TMEM185A: variants seen among roughly 807,000 people sequenced by gnomAD.
TMEM185A encodes the protein family with sequence similarity 11, member A.
TMEM185A carries 9 observed loss-of-function variants against 25.0 expected under a neutral mutation model. That is an observed-to-expected ratio of 0.36 (90% CI 0.22 to 0.63). The LOEUF (loss-of-function observed/expected upper bound fraction) is 0.63. Ranked by LOEUF, TMEM185A falls within the 20% of genes least tolerant of loss-of-function variation. TMEM185A has a pLI of 0.68. For synonymous variants in TMEM185A, 45 were observed against 93.5 expected (o/e 0.48, Z 2.99); for missense variants, 103 against 237.4 (o/e 0.43, Z 3.72).
intron 1 of TMEM185A, among the ~76,000 whole-genome samples, chrX:149,612,190 C>G (rs2090087485): frequency 8.9e-6 from 1 of 111,919 alleles, no homozygotes; most frequent in Admixed American, 9.5e-5. Flanking sequence ...AAATAAGAAG[C>G]TTGATACAGT....
In TMEM185A at chrX:149,615,296, C is replaced by T. The variant is rs138048654; in HGVS notation, c.39-3833G>A. 4.6e-3 allele frequency among the ~76,000 whole-genome samples: 517 copies of T among 111,514 alleles called. 5 individuals are homozygous for T. The highest frequency in any genetic ancestry group is 0.016 in the African/African-American group (493 of 30,735). On this transcript the variant is annotated intron_variant, in intron 1 of 6. Coordinates refer to ENST00000600449, the MANE Select transcript of TMEM185A (RefSeq NM_032508.4). ...ATTTGCTACCCATTCAAGTTAAAAG[C>T]GTTAAACAAATTAGGAAAAGAAGAG...
intron 1 of TMEM185A, 83 bp downstream of exon 1, chrX:149,631,460 G>T (rs988632046): frequency 9.4e-6 from 10 of 1,060,119 alleles, no homozygotes; most frequent in Non-Finnish European, 1.1e-5. Flanking sequence ...CATCTCGCCC[G>T]CCGTGCCTCC....
Position 149,611,324 on chromosome X carries a change from C to T in TMEM185A, c.178G>A (p.Val60Ile). ...TTTCGTGCCCAGACTCCAGTTCCAA[C>T]TGAGGCTCCAACAATGACCATTAAC... ...WKLMVIVGAS[V>I]GTGVWARNPQ... Residue 60 changes from valine to isoleucine, a missense_variant, in exon 2 of 7, where the codon GTT (valine) becomes ATT (isoleucine). Physicochemically the swap from Val to Ile is conservative, Grantham distance 29 (BLOSUM62 3). Coordinates refer to ENST00000600449, the MANE Select transcript of TMEM185A (RefSeq NM_032508.4). 1 of 1,210,543 alleles carries T rather than the reference C, an allele frequency of 8.3e-7. No homozygotes were observed. Among genetic ancestry groups the T allele is most frequent in the South Asian group, 1.8e-5 (1 of 56,591 alleles).
rs1306501646 is a variant in TMEM185A at position 149,597,226 on chromosome X, G to GC, written c.*784_*785insG. 2.4e-5 allele frequency: 2 copies of GC among 82,119 alleles called. No homozygotes were observed. The highest frequency in any genetic ancestry group is 3.1e-4 in the East Asian group (1 of 3,263). The allele number at this position is 82,119 out of a possible 1,213,427, so 6.8% of individuals were successfully genotyped here. ...ATGAAGGCGTGGCACCCCACGGGGG[G>GC]GGGGGGAGTGTGCCACGGGCGTCCA... On this transcript the variant is annotated 3_prime_UTR_variant, in exon 7 of 7. Transcript: ENST00000600449.
At chrX:149,628,982 C>T (rs1394159112) in intron 1 of TMEM185A, among the ~76,000 whole-genome samples, 4 of 112,068 alleles carry the variant, frequency 3.6e-5, no homozygotes, top group Non-Finnish European at 5.6e-5. Context: ...GACACAGTCA[C>T]GGCCTTGACC....
chrX:149,601,575 C>T (rs1767244501), intron 4 of TMEM185A: 1 of 98,118 alleles, frequency 1.0e-5, no homozygotes, highest in African/African-American at 4.8e-5. Flanking sequence ...TGAGATTCAT[C>T]CAAGTTGTTC....
At chrX:149,606,774 C>T (rs1431620350) in intron 3 of TMEM185A, 3 of 112,654 alleles carry the variant, frequency 2.7e-5, no homozygotes, top group Admixed American at 1.9e-4. Flanking sequence ...GGGAGCTCAG[C>T]TCCTGGTATG....
Position 149,601,471 on chromosome X carries a change from G to T in TMEM185A, c.508-992C>A, listed in dbSNP as rs1254167607. 4.5e-4 allele frequency: 44 copies of T among 97,942 alleles called. 1 individual carries two copies. The highest frequency in any genetic ancestry group is 4.4e-3 in the Admixed American group (44 of 9,910). 8.1% of individuals were successfully genotyped at this position (97,942 alleles called of 1,213,427 possible). A position where few individuals can be genotyped will look rare whatever the true frequency, so the allele number is the denominator to read the frequency against. ...GCAAACACTGATCTGTTCTCTCACT[G>T]TACTTTTGTCTCTGCTGGAACTTTA... On this transcript the variant is annotated intron_variant, in intron 4 of 6. Transcript: ENST00000600449.
chrX:149,608,548 C>T, intron 3 of TMEM185A, 79 bp downstream of exon 3: 2 of 1,018,242 alleles, frequency 2.0e-6, no homozygotes, highest in Non-Finnish European at 2.7e-6. Context: ...CCAGGCTGGT[C>T]TCAAACTCCT....
At chrX:149,609,946 AT>A (rs2090073234) in intron 2 of TMEM185A, among the ~76,000 whole-genome samples, 1 of 111,981 alleles carries the variant, frequency 8.9e-6, no homozygotes, top group African/African-American at 3.3e-5. Flanking sequence ...TCATAAAAAA[AT>A]AAAACACATA....
intron 1 of TMEM185A, among the ~76,000 whole-genome samples, chrX:149,626,958 G>C (rs1557356098): frequency 8.9e-6 from 1 of 112,160 alleles, no homozygotes; most frequent in Admixed American, 9.4e-5. Flanking sequence ...AGAATAGAAC[G>C]AATGGGAATG....
chrX:149,618,240 G>C (rs1168564439), intron 1 of TMEM185A, among the ~76,000 whole-genome samples: 2 of 111,569 alleles, frequency 1.8e-5, no homozygotes, highest in African/African-American at 6.5e-5. Context: ...TATGATATCT[G>C]AGTTTTCTGT....
chrX:149,603,160 C>T (rs2090026500), intron 4 of TMEM185A, among the ~76,000 whole-genome samples: 1 of 111,952 alleles, frequency 8.9e-6, no homozygotes, highest in African/African-American at 3.2e-5. Context: ...TACCTTGCCA[C>T]TTATCTTTCT....
At chrX:149,620,682 G>A (rs1413454510) in intron 1 of TMEM185A, among the ~76,000 whole-genome samples, 1 of 111,906 alleles carries the variant, frequency 8.9e-6, no homozygotes, top group Non-Finnish European at 1.9e-5. Flanking sequence ...TGACTTTGCA[G>A]ATACCTGGAA....
At chrX:149,608,219 T>G (rs184623725) in intron 3 of TMEM185A, among the ~76,000 whole-genome samples, 3 of 112,498 alleles carry the variant, frequency 2.7e-5, no homozygotes, top group Non-Finnish European at 5.6e-5. Context: ...CCATCATCTT[T>G]TGTTGCCTTG....
chrX:149,614,051 T>C (rs1345024897), intron 1 of TMEM185A, among the ~76,000 whole-genome samples: 1 of 112,319 alleles, frequency 8.9e-6, no homozygotes, highest in Non-Finnish European at 1.9e-5. Context: ...AGGATATATA[T>C]GATTGTAGCA....
chrX:149,626,079 A>C (rs2090161645), intron 1 of TMEM185A, among the ~76,000 whole-genome samples: 2 of 112,483 alleles, frequency 1.8e-5, no homozygotes, highest in Non-Finnish European at 3.8e-5. Flanking sequence ...GGGAAGTCAC[A>C]AGCTGTCAAG....
chrX:149,621,087 A>G (rs782303569), intron 1 of TMEM185A, among the ~76,000 whole-genome samples: 24 of 112,421 alleles, frequency 2.1e-4, no homozygotes, highest in Non-Finnish European at 4.3e-4. Flanking sequence ...ACTATTTAAA[A>G]AAGAAATTAG....
intron 3 of TMEM185A, among the ~76,000 whole-genome samples, chrX:149,606,025 T>C (rs782410825): frequency 1.8e-5 from 2 of 112,380 alleles, no homozygotes; most frequent in East Asian, 5.6e-4. Context: ...AGTAATTACA[T>C]CTAACTTAGT....
Sources: gnomAD v4.1 joint callset for allele counts (sites outside exome capture counted in the v4.1 genomes callset) on GRCh38, gnomAD v4.1.1 for gene constraint, MANE v1.5 for transcripts, NCBI Gene and HGNC (gene_info 2026-07-23, HGNC 2026-07-21) for gene names.